Variants in ACSM2A observed in about 807,000 individuals in gnomAD.
The protein encoded by ACSM2A is acyl-coenzyme A synthetase ACSM2A, mitochondrial.
Under a neutral mutation model 76.6 loss-of-function variants are expected in ACSM2A, and 72 were observed. That is an observed-to-expected ratio of 0.94 (90% CI 0.78 to 1.14). The LOEUF (loss-of-function observed/expected upper bound fraction) is 1.14. ACSM2A is among the 50% of genes most tolerant of loss of function. The pLI is 0.00. For synonymous variants in ACSM2A, 249 were observed against 255.9 expected (o/e 0.97, Z 0.26); for missense variants, 684 against 708.5 (o/e 0.97, Z 0.39).
intron 10 of ACSM2A, among the ~76,000 whole-genome samples, chr16:20,478,961 G>A (rs1253824721): frequency 6.6e-6 from 1 of 152,138 alleles, no homozygotes; most frequent in Non-Finnish European, 1.5e-5. Context: ...TATTGACCCT[G>A]AACTATACAC....
rs997370872 is a variant in ACSM2A, at chr16:20,486,939, G to C, written c.*261G>C. The C allele has an allele frequency of 1.2e-5, 4 of 332,458 alleles. No homozygotes were observed. Among genetic ancestry groups the C allele is most frequent in the African/African-American group, 2.1e-5 (1 of 46,900 alleles). 20.6% of individuals were successfully genotyped at this position (332,458 alleles called of 1,614,324 possible). A position where few individuals can be genotyped will look rare whatever the true frequency, so the allele number is the denominator to read the frequency against. On this transcript the variant is annotated 3_prime_UTR_variant, in exon 14 of 14. Coordinates refer to ENST00000573854, the MANE Select transcript of ACSM2A (RefSeq NM_001308172.2). ...TCAGGGAAATATTAAAACTGCAAGGGAAAGCAATTGAAAAAGAAATAAAGT... is the reference window on the plus strand; with the variant it reads ...TCAGGGAAATATTAAAACTGCAAGGCAAAGCAATTGAAAAAGAAATAAAGT...
At chr16:20,454,719 A>T (rs559573034) in intron 1 of ACSM2A, among the ~76,000 whole-genome samples, 1 of 151,918 alleles carries the variant, frequency 6.6e-6, no homozygotes, top group Non-Finnish European at 1.5e-5. Flanking sequence ...AGGAACCAGG[A>T]AAACGATTCT....
At chr16:20,477,269 T>C (rs2013801133) in intron 8 of ACSM2A, 100 bp from the exon 9 acceptor site, 1 of 1,500,076 alleles carries the variant, frequency 6.7e-7, no homozygotes, top group African/African-American at 1.4e-5. Context: ...GCAGGCCAAG[T>C]TCAGGACAGT....
rs775021492 is a variant in ACSM2A, at chr16:20,475,693, TC to T, written c.1021del (p.Leu341PhefsTer28). On this transcript the variant is annotated frameshift_variant, in exon 8 of 14. Transcript: ENST00000573854. LOFTEE classifies it high-confidence loss of function. ...HLQNCVTVGE[S>X]LLPETLENWR... ...ACAGAACTGCGTCACTGTAGGGGAG[TC>T]CCTTCTTCCAGAAACTCTGGAGAAC... is the stretch of plus-strand genomic sequence containing the variant. 6.2e-7 allele frequency: 1 copy of T among 1,613,810 alleles called. No homozygotes were observed. Among genetic ancestry groups the T allele is most frequent in the Non-Finnish European group, 8.5e-7 (1 of 1,179,904 alleles).
At chr16:20,470,813 C>G in intron 4 of ACSM2A, 1 of 639,586 alleles carries the variant, frequency 1.6e-6, no homozygotes, top group African/African-American at 1.8e-5. Context: ...ACTTTTTTTG[C>G]AGATATAAAG....
At position 20,465,811 on chromosome 16, in the gene ACSM2A, A is replaced by G. The variant is rs2012961645; in HGVS notation, c.388+84A>G. ...GAGAAATGCAGCCACCTCTCTCAAA[A>G]GAAGTCTCCTCCTTGGAGCATGCTG... On this transcript the variant is annotated intron_variant, in intron 3 of 13. Coordinates refer to ENST00000573854, the MANE Select transcript of ACSM2A (RefSeq NM_001308172.2). The G allele has an allele frequency of 1.0e-5, 16 of 1,525,632 alleles. No individual in the cohort carries two copies. The South Asian group carries it at 2.0e-4, about 19-fold the overall frequency. The allele number at this position is 1,525,632 out of a possible 1,614,324, so 94.5% of individuals were successfully genotyped here. A position where few individuals can be genotyped will look rare whatever the true frequency, so the allele number is the denominator to read the frequency against.
At chr16:20,458,905 C>CAT (rs72108144) in intron 1 of ACSM2A, among the ~76,000 whole-genome samples, 11,523 of 74,386 alleles carry the variant, frequency 0.15, 580 homozygotes, top group Middle Eastern at 0.26. Context: ...TATATATATG[C>CAT]ATATATATAT....
intron 13 of ACSM2A, among the ~76,000 whole-genome samples, chr16:20,485,026 T>C (rs2014311711): frequency 1.3e-5 from 2 of 152,246 alleles, no homozygotes. Context: ...CTCAATAACC[T>C]CTGTGATCCT....
chr16:20,480,757 C>T (rs2014035947), intron 11 of ACSM2A, 57 bp downstream of exon 11: 3 of 1,612,422 alleles, frequency 1.9e-6, no homozygotes, highest in East Asian at 2.2e-5. Context: ...TGGCTGGTTC[C>T]AGACTTCTGG....
At chr16:20,473,557 T>C (rs1456384063) in intron 6 of ACSM2A, among the ~76,000 whole-genome samples, 3 of 152,190 alleles carry the variant, frequency 2.0e-5, no homozygotes, top group African/African-American at 4.8e-5. Flanking sequence ...TGCATGATAC[T>C]CACATTTGTC....
chr16:20,477,865 G>C (rs1197994565), intron 9 of ACSM2A, among the ~76,000 whole-genome samples: 2 of 152,176 alleles, frequency 1.3e-5, no homozygotes, highest in South Asian at 2.1e-4. Context: ...ATCCACTGCT[G>C]TTTATGCCTT....
At position 20,486,938 on chromosome 16, in the gene ACSM2A, G is replaced by A. The variant is rs1055014; in HGVS notation, c.*260G>A. ...GTCAGGGAAATATTAAAACTGCAAG[G>A]GAAAGCAATTGAAAAAGAAATAAAG... On this transcript the variant is annotated 3_prime_UTR_variant, in exon 14 of 14. Transcript: ENST00000573854. The A allele has an allele frequency of 9.2e-5, 31 of 338,348 alleles. No homozygotes were observed. The South Asian group carries it at 2.4e-3, about 27-fold the overall frequency. The allele number at this position is 338,348 out of a possible 1,614,324, so 21.0% of individuals were successfully genotyped here.
chr16:20,478,608 C>T lies in ACSM2A; in HGVS notation c.1212C>T (p.Pro404=), dbSNP rs372090459. The part of the protein sequence containing the change: ...IIDDKGNVLP[P]GTEGDIGIRV... ...ATGATAAGGGCAACGTCCTGCCCCC[C>T]GGCACAGAAGGAGACATTGGCATCA... Residue 404 remains proline, a synonymous_variant, in exon 10 of 14, where the codon CCC becomes CCT. Transcript: ENST00000573854. 1.1e-3 allele frequency: 1,821 copies of T among 1,613,860 alleles called. 15 individuals are homozygous for T. In the South Asian group the frequency reaches 0.018, roughly 16 times the overall value.
At chr16:20,464,653 A>G (rs2141704823) in intron 2 of ACSM2A, among the ~76,000 whole-genome samples, 1 of 152,246 alleles carries the variant, frequency 6.6e-6, no homozygotes, top group Non-Finnish European at 1.5e-5. Flanking sequence ...ACCAAGCCCC[A>G]CCTCTGACAT....
At chr16:20,454,401 G>A (rs921964361) in intron 1 of ACSM2A, among the ~76,000 whole-genome samples, 31 of 151,986 alleles carry the variant, frequency 2.0e-4, no homozygotes, top group Non-Finnish European at 2.8e-4. Flanking sequence ...TTTGCCAGAA[G>A]AAACAACTTC....
chr16:20,478,748 A>G (rs1374408343), intron 10 of ACSM2A, 71 bp downstream of exon 10: 1 of 1,491,922 alleles, frequency 6.7e-7, no homozygotes, highest in Non-Finnish European at 9.1e-7. Flanking sequence ...GAGGGAGGAC[A>G]AATGTTCTGA....
chr16:20,476,645 A>C, intron 8 of ACSM2A: 1 of 986,164 alleles, frequency 1.0e-6, no homozygotes, highest in Non-Finnish European at 1.2e-6. Context: ...ATCACTCAGC[A>C]GCCTCTCTTC....
In ACSM2A at chr16:20,486,603, T is replaced by C. The variant is rs764751131; in HGVS notation, c.1659T>C (p.Thr553=). The part of the protein sequence containing the change: ...KIEFVLNLPK[T]VTGKIQRAKL... ...AGTTTGTCTTGAACCTGCCCAAGAC[T>C]GTCACAGGGAAAATTCAACGAGCCA... Residue 553 remains threonine, a synonymous_variant, in exon 14 of 14, where the codon ACT becomes ACC. Transcript: ENST00000573854. The C allele has an allele frequency of 1.2e-5, 19 of 1,614,168 alleles. 1 individual carries two copies. Among genetic ancestry groups the C allele is most frequent in the Middle Eastern group, 1.6e-4 (1 of 6,062 alleles).
At position 20,480,589 on chromosome 16, in the gene ACSM2A, C is replaced by G. The variant is rs556550170; in HGVS notation, c.1298C>G (p.Thr433Arg). ...FSGYVDNPDK[T>R]AANIRGDFWL... The stretch of plus-strand genomic sequence containing the variant: ...GGTCACCAGGACAATCCCGACAAGA[C>G]AGCAGCCAACATTCGAGGAGACTTT... The change falls in exon 11 of 14, where the codon ACA (threonine) becomes AGA (arginine). Residue 433 changes from threonine to arginine, a missense_variant. By Grantham distance (71) the Thr-to-Arg change is moderately conservative. This residue lies in a region of ACSM2A where 519 missense variants were observed against 549.5 expected (regional missense o/e 0.94). Transcript: ENST00000573854. 1 of 1,613,878 alleles carries G rather than the reference C, an allele frequency of 6.2e-7. No individual in the cohort carries two copies. The highest frequency in any genetic ancestry group is 8.5e-7 in the Non-Finnish European group (1 of 1,179,826).
Sources: allele counts gnomAD v4.1 joint callset (sites outside exome capture counted in the v4.1 genomes callset), GRCh38; gene constraint gnomAD v4.1.1; regional missense constraint gnomAD v4.1.1; transcripts MANE v1.5; gene names NCBI Gene and HGNC (gene_info 2026-07-23, HGNC 2026-07-21).